CDKN2B-AS1: variants seen among roughly 807,000 people sequenced by gnomAD.
CDKN2B-AS1 encodes CDKN2B and CDKN2A antisense cis and trans regulatory RNA 1.
At chr9:22,022,550 A>T (rs1258792025) in intron 1 of CDKN2B-AS1, among the ~76,000 whole-genome samples, 1 of 152,054 alleles carries the variant, frequency 6.6e-6, no homozygotes, top group African/African-American at 2.4e-5. Flanking sequence ...CATTGCATGT[A>T]AGATGGATCT....
In CDKN2B-AS1 at chr9:22,001,851, G is replaced by GTT. The variant is rs1563909951; in HGVS notation, n.29+6691_29+6692dup. The stretch of plus-strand genomic sequence containing the variant: ...GAGTTAGCACTCATATATTGAATTA[G>GTT]TTAAGGAACCAATGTGGGAATCTAG... On this transcript the variant is annotated intron_variant and non_coding_transcript_variant, in intron 1 of 4. Transcript: ENST00000650946. This position sits in a 1 kb window ranked among gnomAD's most constrained non-coding sequence, Gnocchi z 4.2. Among the ~76,000 whole-genome samples, 1 of 152,070 alleles carries GTT rather than the reference G, an allele frequency of 6.6e-6. No homozygotes were observed.
intron 4 of CDKN2B-AS1, among the ~76,000 whole-genome samples, chr9:22,070,704 G>A (rs988084060): frequency 5.3e-5 from 8 of 152,144 alleles, no homozygotes; most frequent in Admixed American, 1.3e-4. Context: ...GCTAGTTACC[G>A]GTCCCAGCCA....
chr9:22,124,276 A>G (rs1255745169), intron 4 of CDKN2B-AS1, among the ~76,000 whole-genome samples: 1 of 152,212 alleles, frequency 6.6e-6, no homozygotes, highest in African/African-American at 2.4e-5. Flanking sequence ...TTTTAAGGGC[A>G]TTAAGAAAGG....
At chr9:22,014,647 T>C (rs1433663291) in intron 1 of CDKN2B-AS1, among the ~76,000 whole-genome samples, 2 of 152,052 alleles carry the variant, frequency 1.3e-5, no homozygotes, top group Non-Finnish European at 2.9e-5. Context: ...TTAGGGTACA[T>C]GTGCACAATG....
intron 4 of CDKN2B-AS1, chr9:22,118,257 T>TGG (rs1307193788): frequency 6.7e-6 from 1 of 150,038 alleles, no homozygotes; most frequent in African/African-American, 2.5e-5. Flanking sequence ...AAAGTGAAAA[T>TGG]GGGGAGAGAG....
chr9:22,107,407 C>A (rs1825688333), intron 4 of CDKN2B-AS1, among the ~76,000 whole-genome samples: 1 of 152,182 alleles, frequency 6.6e-6, no homozygotes, highest in Non-Finnish European at 1.5e-5. Flanking sequence ...TAAGCCTTTG[C>A]ACTCTCAGTC....
chr9:22,025,488 G>T (rs969573491), intron 1 of CDKN2B-AS1, among the ~76,000 whole-genome samples: 14 of 152,164 alleles, frequency 9.2e-5, no homozygotes, highest in Non-Finnish European at 1.9e-4. Flanking sequence ...ATCTCTGGTG[G>T]GGTGTGGCTA....
intron 4 of CDKN2B-AS1, among the ~76,000 whole-genome samples, chr9:22,096,216 A>G (rs1219327038): frequency 1.3e-5 from 2 of 152,236 alleles, no homozygotes; most frequent in African/African-American, 2.4e-5. Context: ...ATGGAACTGG[A>G]GAGTGAGGCA....
chr9:22,121,632 ATGTGAGTGAGAACATGCGG>A (rs1300915611), intron 4 of CDKN2B-AS1, among the ~76,000 whole-genome samples: 9 of 151,962 alleles, frequency 5.9e-5, no homozygotes, highest in Admixed American at 6.6e-5. Flanking sequence ...CAGCTTCTGT[ATGTGAGTGAGAACATGCGG>A]TGTTTAGTAG....
chr9:22,122,757 G>A (rs1340926530), intron 4 of CDKN2B-AS1, among the ~76,000 whole-genome samples: 1 of 151,974 alleles, frequency 6.6e-6, no homozygotes, highest in South Asian at 2.1e-4. Flanking sequence ...TGATCTATGT[G>A]TCTGTTTTTA....
At chr9:22,077,370 G>A (rs1188752923) in intron 4 of CDKN2B-AS1, among the ~76,000 whole-genome samples, 1 of 151,980 alleles carries the variant, frequency 6.6e-6, no homozygotes, top group Non-Finnish European at 1.5e-5. Flanking sequence ...TGCCATTTAG[G>A]ACATTAAATT....
chr9:22,056,374 G>A (rs1029590553), exon 4 of CDKN2B-AS1: 2 of 151,864 alleles, frequency 1.3e-5, no homozygotes, highest in East Asian at 3.9e-4. Flanking sequence ...GGCGGATAGA[G>A]AGAATTTTGA....
chr9:22,016,360 T>C (rs1390444643), intron 1 of CDKN2B-AS1, among the ~76,000 whole-genome samples: 4 of 152,116 alleles, frequency 2.6e-5, no homozygotes, highest in African/African-American at 9.7e-5. Context: ...ATCGTGAAAA[T>C]GGCCATACTG....
At chr9:22,088,158 A>G (rs1824928372) in intron 4 of CDKN2B-AS1, among the ~76,000 whole-genome samples, 1 of 152,192 alleles carries the variant, frequency 6.6e-6, no homozygotes, top group Non-Finnish European at 1.5e-5. Flanking sequence ...GGCATCCCAA[A>G]CAATACATAC....
At chr9:22,064,746 G>T (rs1341378869) in intron 4 of CDKN2B-AS1, among the ~76,000 whole-genome samples, 3 of 152,068 alleles carry the variant, frequency 2.0e-5, no homozygotes, top group African/African-American at 7.2e-5. Flanking sequence ...GAGGCATCTG[G>T]CCTGTTCTCC....
chr9:22,089,037 G>A (rs1824966831), intron 4 of CDKN2B-AS1, among the ~76,000 whole-genome samples: 1 of 152,094 alleles, frequency 6.6e-6, no homozygotes, highest in African/African-American at 2.4e-5. Context: ...TGTCAACTGT[G>A]CAAAAATATC....
chr9:22,048,006 G>A (rs1243483620), intron 2 of CDKN2B-AS1, among the ~76,000 whole-genome samples: 1 of 151,662 alleles, frequency 6.6e-6, no homozygotes, highest in African/African-American at 2.4e-5. Context: ...TGTTGCCTAG[G>A]CTGGTCTCGA....
At chr9:22,082,511 T>C (rs768828273) in intron 4 of CDKN2B-AS1, among the ~76,000 whole-genome samples, 16 of 152,182 alleles carry the variant, frequency 1.1e-4, no homozygotes, top group Non-Finnish European at 2.4e-4. Flanking sequence ...TATATCTTAA[T>C]CCCACTGCAC....
At chr9:22,082,027 C>T (rs184859726) in intron 4 of CDKN2B-AS1, among the ~76,000 whole-genome samples, 3 of 152,298 alleles carry the variant, frequency 2.0e-5, no homozygotes, top group African/African-American at 7.2e-5. Flanking sequence ...AGGTATTGAC[C>T]TCTTGTTGGT....
Sources: gnomAD v4.1 joint callset for allele counts (sites outside exome capture counted in the v4.1 genomes callset) on GRCh38, gnomAD v4.1.1 for gene constraint, Gnocchi (gnomAD v3.1) non-coding constraint, MANE v1.5 for transcripts, NCBI Gene and HGNC (gene_info 2026-07-23, HGNC 2026-07-21) for gene names.